Variants in FBRSL1 observed in about 807,000 individuals in gnomAD.
The protein encoded by FBRSL1 is fibrosin like 1, also known as fibrosin-1-like protein.
In FBRSL1, 51 loss-of-function variants were observed where a neutral mutation model predicts 89.6. That is an observed-to-expected ratio of 0.57 (90% confidence interval 0.45 to 0.72). The LOEUF (loss-of-function observed/expected upper bound fraction) is 0.72, where lower values mean the gene tolerates loss of function less well. Ranked by LOEUF, FBRSL1 falls within the 30% of genes least tolerant of loss-of-function variation. FBRSL1 has a pLI of 0.00. For synonymous variants in FBRSL1, 779 were observed against 681.1 expected (o/e 1.14, Z -2.24); for missense variants, 1,618 against 1,451.8 (o/e 1.11, Z -1.86).
intron 1 of FBRSL1, among the ~76,000 whole-genome samples, chr12:132,494,699 A>T (rs1278325378): frequency 1.3e-5 from 2 of 152,154 alleles, no homozygotes; most frequent in Non-Finnish European, 2.9e-5. Flanking sequence ...GGTGACTTTC[A>T]CTTGGTCCAC....
rs555408292 is a variant in FBRSL1, at chr12:132,578,872, C to T, written c.1834+1941C>T. On this transcript the variant is annotated intron_variant, in intron 15 of 18. Coordinates refer to ENST00000680143, the MANE Select transcript of FBRSL1 (RefSeq NM_001367871.1). The stretch of plus-strand genomic sequence containing the variant: ...AGCCACATGAGGCTGGCTTCACAAG[C>T]ATGGTGGCCTCTGGGCCATGGAGCA... 4.4e-4 allele frequency among the ~76,000 whole-genome samples: 67 copies of T among 152,400 alleles called. 1 individual carries two copies. The highest frequency in any genetic ancestry group is 1.6e-3 in the African/African-American group (67 of 41,600).
chr12:132,532,381 A>T (rs890822032), intron 4 of FBRSL1, among the ~76,000 whole-genome samples: 6 of 152,084 alleles, frequency 3.9e-5, no homozygotes, highest in African/African-American at 1.4e-4. Context: ...CCCACCCAGA[A>T]TTCTCCTCCA....
chr12:132,495,001 G>C (rs2031756008), intron 1 of FBRSL1, among the ~76,000 whole-genome samples: 1 of 152,230 alleles, frequency 6.6e-6, no homozygotes, highest in Non-Finnish European at 1.5e-5. Flanking sequence ...GGCTGTCTGT[G>C]GGCGAGCTGT....
At chr12:132,498,353 G>A (rs749549442) in intron 1 of FBRSL1, among the ~76,000 whole-genome samples, 19 of 152,204 alleles carry the variant, frequency 1.2e-4, no homozygotes, top group Non-Finnish European at 1.9e-4. Flanking sequence ...CAGAGGCGCC[G>A]CAGCAGCTAC....
intron 1 of FBRSL1, among the ~76,000 whole-genome samples, chr12:132,496,667 G>GT: frequency 6.6e-6 from 1 of 152,354 alleles, no homozygotes; most frequent in Admixed American, 6.5e-5. Context: ...TGTCCAGAGC[G>GT]TGAGGATTGG....
intron 4 of FBRSL1, among the ~76,000 whole-genome samples, chr12:132,547,176 C>T (rs112626589): frequency 5.3e-5 from 8 of 150,006 alleles, no homozygotes; most frequent in South Asian, 2.1e-4. Context: ...GTGTGTTCTT[C>T]GTAGGGCTCT....
chr12:132,534,135 C>T (rs1364773438), intron 4 of FBRSL1, among the ~76,000 whole-genome samples: 1 of 152,184 alleles, frequency 6.6e-6, no homozygotes, highest in African/African-American at 2.4e-5. Flanking sequence ...TTCCAGCAGC[C>T]CAAGCACCAC....
At chr12:132,563,786 T>A (rs1169855719) in intron 5 of FBRSL1, among the ~76,000 whole-genome samples, 1 of 46,224 alleles carries the variant, frequency 2.2e-5, no homozygotes, top group Admixed American at 2.8e-4. Flanking sequence ...TACCTACGAC[T>A]GTACACTCAC....
intron 1 of FBRSL1, among the ~76,000 whole-genome samples, chr12:132,497,223 C>T (rs533134622): frequency 6.6e-6 from 1 of 152,226 alleles, no homozygotes; most frequent in African/African-American, 2.4e-5. Flanking sequence ...AGCCCATTTA[C>T]TGGTGACCAG....
chr12:132,560,877 T>C (rs1037315246), intron 5 of FBRSL1, among the ~76,000 whole-genome samples: 5 of 152,312 alleles, frequency 3.3e-5, no homozygotes, highest in Middle Eastern at 6.8e-3. Flanking sequence ...CTGCAGACCA[T>C]GGCCGAGAAG....
chr12:132,510,295 G>A (rs1261208850), intron 2 of FBRSL1: 34 of 1,230,326 alleles, frequency 2.8e-5, no homozygotes, highest in African/African-American at 7.8e-5. Flanking sequence ...TGCCAGCCGC[G>A]GCGGTCCCTA....
At chr12:132,496,186 A>C (rs893700735) in intron 1 of FBRSL1, among the ~76,000 whole-genome samples, 5 of 152,328 alleles carry the variant, frequency 3.3e-5, no homozygotes, top group African/African-American at 1.2e-4. Context: ...GTCACCGCAC[A>C]GTCCTGCAGC....
chr12:132,581,698 C>A, intron 16 of FBRSL1, 43 bp from the exon 17 acceptor site: 1 of 1,538,600 alleles, frequency 6.5e-7, no homozygotes, highest in Non-Finnish European at 8.8e-7. Context: ...GGAGCCGCAG[C>A]CCACGCCTCA....
chr12:132,535,798 CGTGAGTGCACGTGTGTCCATGATGGT>C (rs2036663824), intron 4 of FBRSL1, among the ~76,000 whole-genome samples: 2 of 132,048 alleles, frequency 1.5e-5, no homozygotes, highest in Admixed American at 8.1e-5. Flanking sequence ...TGATGGTGTG[CGTGAGTGCACGTGTGTCCATGATGGT>C]GTGAGTGCAC....
intron 6 of FBRSL1, among the ~76,000 whole-genome samples, chr12:132,568,085 A>G (rs2039753340): frequency 6.7e-6 from 1 of 148,244 alleles, no homozygotes; most frequent in Admixed American, 6.6e-5. Context: ...TGTGGCTGTG[A>G]GCTGTGGGGC....
intron 17 of FBRSL1, 58 bp from the exon 18 acceptor site, chr12:132,582,003 TG>T (rs760030723): frequency 8.4e-6 from 12 of 1,433,464 alleles, no homozygotes; most frequent in Non-Finnish European, 1.1e-5. Context: ...CGGGTTCTCC[TG>T]GGGAGTGGCT....
chr12:132,529,908 G>T (rs1257631820), intron 4 of FBRSL1, among the ~76,000 whole-genome samples: 2 of 152,254 alleles, frequency 1.3e-5, no homozygotes, highest in Admixed American at 1.3e-4. Context: ...TCTTCCTAGG[G>T]TTTCCTTCCT....
intron 4 of FBRSL1, among the ~76,000 whole-genome samples, chr12:132,542,582 C>T (rs973290255): frequency 1.3e-5 from 2 of 152,238 alleles, no homozygotes; most frequent in African/African-American, 4.8e-5. Context: ...ACCCACTGGG[C>T]CCAGACAGCT....
At chr12:132,503,831 G>A (rs2033338094) in intron 1 of FBRSL1, among the ~76,000 whole-genome samples, 1 of 152,204 alleles carries the variant, frequency 6.6e-6, no homozygotes, top group Admixed American at 6.5e-5. Context: ...CTCTTGGAAT[G>A]ACAGAGACAA....
Sources: allele counts gnomAD v4.1 joint callset (sites outside exome capture counted in the v4.1 genomes callset), GRCh38; gene constraint gnomAD v4.1.1; transcripts MANE v1.5; gene names NCBI Gene and HGNC (gene_info 2026-07-23, HGNC 2026-07-21).